The following MTMR11 variants were observed in gnomAD, a reference collection of about 807,000 sequenced individuals.
The protein encoded by MTMR11 is myotubularin related protein 11, also known as myotubularin-related protein 11.
Under a neutral mutation model 100.0 loss-of-function variants are expected in MTMR11, and 89 were observed. The observed-to-expected ratio is 0.89, with a 90% CI of 0.75 to 1.06. The LOEUF (loss-of-function observed/expected upper bound fraction) is 1.06. Ranked by LOEUF, MTMR11 falls within the 50% of genes least tolerant of loss-of-function variation. MTMR11 has a pLI of 0.00. For missense variants in MTMR11, 809 were observed against 873.7 expected (o/e 0.93, Z 0.93); for synonymous variants, 336 against 326.3 (o/e 1.03, Z -0.32).
In MTMR11 at chr1:149,930,417, T is replaced by G. The variant is rs782002341; in HGVS notation, c.1595A>C (p.Asn532Thr). The part of the protein sequence containing the change: ...YSNAQILQFQ[N>T]PGYDPEHCPD... The stretch of plus-strand genomic sequence containing the variant: ...ACAGTGTTCTGGGTCATAGCCAGGA[T>G]TCTGGAATTGTAGTATCTGTGCATT... The change falls in exon 15 of 17, where the codon AAT becomes ACT. Residue 532 changes from asparagine to threonine, a missense_variant. Transcript: ENST00000439741. The G allele has an allele frequency of 6.2e-7, 1 of 1,614,024 alleles. No individual in the cohort carries two copies. The highest frequency in any genetic ancestry group is 8.5e-7 in the Non-Finnish European group (1 of 1,179,914).
Position 149,934,983 on chromosome 1 carries a change from T to G in MTMR11, c.468+3A>C, listed in dbSNP as rs1553768691. ...AGAAAGCCTCAGGTTAGGGGCCTCT[T>G]ACCTGAAAAGCCTGAGGCTCTAGGC... On this transcript the variant is annotated splice_donor_region_variant and intron_variant, in intron 5 of 16. Coordinates refer to ENST00000439741, the MANE Select transcript of MTMR11 (RefSeq NM_001145862.2). 6.2e-7 allele frequency: 1 copy of G among 1,613,374 alleles called. No homozygotes were observed. Among genetic ancestry groups the G allele is most frequent in the Admixed American group, 1.7e-5 (1 of 59,996 alleles).
intron 8 of MTMR11, 46 bp downstream of exon 8, chr1:149,933,809 A>C: frequency 6.2e-7 from 1 of 1,608,594 alleles, no homozygotes; most frequent in Non-Finnish European, 8.5e-7. Context: ...TCCCTGGCCC[A>C]CATGACCCTC....
In MTMR11 at chr1:149,929,659, C is replaced by T. The variant is rs782551257; in HGVS notation, c.1905G>A (p.Trp635Ter). The T allele has an allele frequency of 3.5e-5, 56 of 1,613,600 alleles. No individual in the cohort carries two copies. Among genetic ancestry groups the T allele is most frequent in the Non-Finnish European group, 4.4e-5 (52 of 1,179,984 alleles). ...PGYLGPQIRL[W>*]RRCYLRGRPE... ...GCCTTCCCCTCAGGTAGCAGCGTCT[C>T]CAGAGCCTGATCTGGGGTCCCAGAT... Residue 635 changes from tryptophan (W) to a stop codon, truncating the protein, a stop_gained, in exon 16 of 17, where the codon TGG becomes TGA. Transcript: ENST00000439741. LOFTEE classifies it high-confidence loss of function.
intron 13 of MTMR11, 143 bp downstream of exon 13, chr1:149,931,117 G>A (rs2092654618): frequency 7.4e-7 from 1 of 1,353,350 alleles, no homozygotes; most frequent in South Asian, 1.4e-5. Flanking sequence ...GGCTTGTAAG[G>A]CCTCACTCAT....
At chr1:149,935,733 A>T (rs1331654402) in intron 2 of MTMR11, 28 bp from the exon 3 acceptor site, 2 of 1,558,818 alleles carry the variant, frequency 1.3e-6, no homozygotes, top group Non-Finnish European at 1.7e-6. Context: ...AAGCCCTGTT[A>T]TGACTGTTCC....
rs1297081222 is a variant in MTMR11 at position 149,928,702 on chromosome 1, A to G, written c.*427T>C. ...GCCCCTTAAATAGAAATTCCACTACAAAAATACAGAGGAGATAGGGTGTTT... is the reference window on the plus strand; with the variant it reads ...GCCCCTTAAATAGAAATTCCACTACGAAAATACAGAGGAGATAGGGTGTTT... On this transcript the variant is annotated 3_prime_UTR_variant, in exon 17 of 17. Transcript: ENST00000439741. 17 of 656,450 alleles carry G rather than the reference A, an allele frequency of 2.6e-5. No individual in the cohort carries two copies. The highest frequency in any genetic ancestry group is 4.2e-5 in the Non-Finnish European group (16 of 380,500). The allele number at this position is 656,450 out of a possible 1,614,324, so 40.7% of individuals were successfully genotyped here.
At chr1:149,931,117 G>T in intron 13 of MTMR11, 143 bp downstream of exon 13, 2 of 1,353,468 alleles carry the variant, frequency 1.5e-6, no homozygotes, top group Non-Finnish European at 2.0e-6. Context: ...GGCTTGTAAG[G>T]CCTCACTCAT....
At chr1:149,930,255 G>A in intron 15 of MTMR11, 110 bp downstream of exon 15, 4 of 1,143,828 alleles carry the variant, frequency 3.5e-6, no homozygotes, top group South Asian at 1.5e-5. Flanking sequence ...GAAGAGTAGT[G>A]GAGTAGCTTT....
In MTMR11 at chr1:149,935,003, C is replaced by G. The variant is rs1407243818; in HGVS notation, c.451G>C (p.Glu151Gln). ...CCTCTTACCTGAAAAGCCTGAGGCT[C>G]TAGGCCTCCAGCCTCAAAACCAACT... Reference protein sequence around the residue: ...LRVGFEAGGLEPQAFQVTMAI... With the variant: ...LRVGFEAGGLQPQAFQVTMAI... The change falls in exon 5 of 17, where the codon GAG becomes CAG. Residue 151 changes from glutamate to glutamine, a missense_variant. Physicochemically the swap from Glu to Gln is conservative, Grantham distance 29 (BLOSUM62 2). Transcript: ENST00000439741. The G allele has an allele frequency of 5.4e-5, 87 of 1,613,808 alleles. No individual in the cohort carries two copies. The highest frequency in any genetic ancestry group is 7.0e-5 in the Non-Finnish European group (83 of 1,180,032).
intron 4 of MTMR11, 71 bp from the exon 5 acceptor site, chr1:149,935,199 T>C: frequency 6.2e-7 from 1 of 1,607,096 alleles, no homozygotes. Context: ...TTGCAGCCCA[T>C]CCCACTCCAT....
At chr1:149,931,144 G>A (rs1553767530) in intron 13 of MTMR11, 116 bp downstream of exon 13, 1 of 1,460,712 alleles carries the variant, frequency 6.8e-7, no homozygotes, top group Non-Finnish European at 9.3e-7. Context: ...CTTCGTCCCA[G>A]CCTAACCTCG....
chr1:149,928,802 A>G lies in MTMR11; in HGVS notation c.*327T>C. Reference sequence around the variant, plus strand: ...TTGGAATTAAAGCAGCAGCAAGGCGAGGTGAGAATGCGATTTCTAGGCCAT... The same window carrying G: ...TTGGAATTAAAGCAGCAGCAAGGCGGGGTGAGAATGCGATTTCTAGGCCAT... On this transcript the variant is annotated 3_prime_UTR_variant, in exon 17 of 17. Coordinates refer to ENST00000439741, the MANE Select transcript of MTMR11 (RefSeq NM_001145862.2). 6.9e-7 allele frequency: 1 copy of G among 1,448,006 alleles called. No individual in the cohort carries two copies. The highest frequency in any genetic ancestry group is 9.7e-7 in the Non-Finnish European group (1 of 1,029,824). The allele number at this position is 1,448,006 out of a possible 1,614,324, so 89.7% of individuals were successfully genotyped here. A position where few individuals can be genotyped will look rare whatever the true frequency, so the allele number is the denominator to read the frequency against.
intron 12 of MTMR11, 71 bp from the exon 13 acceptor site, chr1:149,931,497 A>G (rs1324487284): frequency 7.1e-7 from 1 of 1,413,406 alleles, no homozygotes; most frequent in Non-Finnish European, 9.6e-7. Flanking sequence ...GAATGAGAAG[A>G]GAAATACGGC....
Position 149,929,044 on chromosome 1 carries a change from A to G in MTMR11, c.*85T>C, listed in dbSNP as rs905082495. Reference sequence around the variant, plus strand: ...CTGCAGCAGAAACTCAGACCTTCTTAGTGAACTTAAGGGCTGAAGTGTGAA... The same window carrying G: ...CTGCAGCAGAAACTCAGACCTTCTTGGTGAACTTAAGGGCTGAAGTGTGAA... On this transcript the variant is annotated 3_prime_UTR_variant, in exon 17 of 17. Transcript: ENST00000439741. The G allele has an allele frequency of 6.3e-7, 1 of 1,589,732 alleles. No individual in the cohort carries two copies. Among genetic ancestry groups the G allele is most frequent in the East Asian group, 2.2e-5 (1 of 44,634 alleles).
chr1:149,930,625 T>C, intron 14 of MTMR11, 78 bp from the exon 15 acceptor site: 5 of 1,428,056 alleles, frequency 3.5e-6, no homozygotes, highest in Non-Finnish European at 4.8e-6. Flanking sequence ...GATTCTCACC[T>C]CTTATTCTAG....
intron 5 of MTMR11, 115 bp from the exon 6 acceptor site, chr1:149,934,641 G>A: frequency 8.7e-7 from 1 of 1,150,112 alleles, no homozygotes; most frequent in South Asian, 1.5e-5. Context: ...GAACAGTGAA[G>A]ACAGTCCCTA....
intron 1 of MTMR11, 106 bp downstream of exon 1, chr1:149,936,476 A>T (rs1487641633): frequency 2.4e-6 from 3 of 1,266,906 alleles, no homozygotes; most frequent in Non-Finnish European, 3.3e-6. Context: ...TGATAGACAG[A>T]CACACCCTCC....
At chr1:149,936,334 C>A (rs587608012) in intron 1 of MTMR11, 105 bp from the exon 2 acceptor site, 1 of 1,535,744 alleles carries the variant, frequency 6.5e-7, no homozygotes, top group African/African-American at 1.4e-5. Flanking sequence ...TCGGGGGAAA[C>A]TGAGATCAGT....
At chr1:149,934,088 T>G in intron 7 of MTMR11, 103 bp downstream of exon 7, 1 of 1,573,710 alleles carries the variant, frequency 6.4e-7, no homozygotes, top group Non-Finnish European at 8.7e-7. Context: ...GCTTTGTGGG[T>G]GTCCTAGGAG....
Sources: gnomAD v4.1 joint callset for allele counts on GRCh38, gnomAD v4.1.1 for gene constraint, MANE v1.5 for transcripts, NCBI Gene and HGNC (gene_info 2026-07-23, HGNC 2026-07-21) for gene names.